UVRAG: variants seen among roughly 807,000 people sequenced by gnomAD.
UVRAG encodes the protein UV radiation resistance-associated gene protein.
A neutral mutation model predicts 78.0 loss-of-function variants in UVRAG; 19 were observed. The observed-to-expected ratio is 0.24, with a 90% CI of 0.17 to 0.36. The LOEUF is 0.36. UVRAG is among the 10% of genes least tolerant of loss of function. The pLI is 1.00. For missense variants in UVRAG, 740 were observed against 853.8 expected (o/e 0.87, Z 1.66); for synonymous variants, 323 against 324.6 (o/e 1.00, Z 0.05).
chr11:76,065,783 G>C lies in UVRAG; in HGVS notation c.1300G>C (p.Ala434Pro), dbSNP rs535120370. Reference protein sequence around the residue: ...YGVYLLNKNIAQLRYQHGLGT... With the variant: ...YGVYLLNKNIPQLRYQHGLGT... ...TGTCTATCTTCTGAACAAAAATATA[G>C]CACAGGTAAGTCTCTGTTCTTCACT... is the stretch of plus-strand genomic sequence containing the variant. The change falls in exon 13 of 15, where the codon GCA becomes CCA. Residue 434 changes from alanine (A) to proline (P), a missense_variant. Coordinates refer to ENST00000356136, the MANE Select transcript of UVRAG (RefSeq NM_003369.4). 1 of 1,613,552 alleles carries C rather than the reference G, an allele frequency of 6.2e-7. No homozygotes were observed. Among genetic ancestry groups the C allele is most frequent in the East Asian group, 2.2e-5 (1 of 44,858 alleles).
intron 12 of UVRAG, among the ~76,000 whole-genome samples, chr11:76,027,177 A>T (rs531257313): frequency 1.1e-4 from 16 of 152,256 alleles, no homozygotes; most frequent in African/African-American, 3.6e-4. Context: ...GCTAATTATT[A>T]AGTTTTGTAC....
intron 10 of UVRAG, 25 bp from the exon 11 acceptor site, chr11:76,008,782 T>C: frequency 7.4e-7 from 1 of 1,346,232 alleles, no homozygotes; most frequent in Non-Finnish European, 1.0e-6. Flanking sequence ...TATTTATTAA[T>C]TTTATTCTTT....
At chr11:76,005,079 C>T (rs1433487104) in intron 9 of UVRAG, among the ~76,000 whole-genome samples, 1 of 152,108 alleles carries the variant, frequency 6.6e-6, no homozygotes, top group African/African-American at 2.4e-5. Context: ...CATGGTGGCT[C>T]ACACCTGTAA....
At chr11:75,875,429 ATCTT>A (rs1229582379) in intron 3 of UVRAG, among the ~76,000 whole-genome samples, 3 of 140,224 alleles carry the variant, frequency 2.1e-5, no homozygotes, top group Non-Finnish European at 3.1e-5. Context: ...GGTTTTATTT[ATCTT>A]GCTTAGGACC....
chr11:76,111,851 GTAAAGA>G lies in UVRAG; in HGVS notation c.1306-4068_1306-4063del, dbSNP rs530774188. Among the ~76,000 whole-genome samples the G allele has an allele frequency of 7.4e-5, 11 of 149,492 alleles. No homozygotes were observed. The East Asian group carries it at 1.6e-3, about 22-fold the overall frequency. ...TTTTTAGAGTCTCACAGTCTCACCTGTAAAGATAAACTAACGGCCAAAGATTACGAG... is the reference window on the plus strand; with the variant it reads ...TTTTTAGAGTCTCACAGTCTCACCTGTAAACTAACGGCCAAAGATTACGAG... On this transcript the variant is annotated intron_variant, in intron 13 of 14. Transcript: ENST00000356136.
At position 75,880,928 on chromosome 11, in the gene UVRAG, CTTTTTT is replaced by C. The variant is rs773034018; in HGVS notation, c.432+910_432+915del. 3.3e-3 allele frequency among the ~76,000 whole-genome samples: 291 copies of C among 87,696 alleles called. 2 individuals are homozygous for C. In the East Asian group the frequency reaches 0.045, roughly 13 times the overall value. The allele number at this position is 87,696 out of a possible 152,430, so 57.5% of individuals were successfully genotyped here. Reference sequence around the variant, plus strand: ...CTTTCTTCCTTTCTTTTATTTACTTCTTTTTTTTTTTTTTTTTTTTTTTTTTTAAAT... The same window carrying C: ...CTTTCTTCCTTTCTTTTATTTACTTCTTTTTTTTTTTTTTTTTTTTTAAAT... On this transcript the variant is annotated intron_variant, in intron 4 of 14. Coordinates refer to ENST00000356136, the MANE Select transcript of UVRAG (RefSeq NM_003369.4).
At chr11:75,909,937 G>A (rs533290244) in intron 5 of UVRAG, among the ~76,000 whole-genome samples, 17 of 152,164 alleles carry the variant, frequency 1.1e-4, no homozygotes, top group Non-Finnish European at 2.2e-4. Context: ...TCCCTTCTCC[G>A]CTTTCTGAAG....
At chr11:76,026,470 G>T (rs1403039190) in intron 12 of UVRAG, among the ~76,000 whole-genome samples, 1 of 152,046 alleles carries the variant, frequency 6.6e-6, no homozygotes. Flanking sequence ...TGCTTTCATG[G>T]CATCCAATTA....
intron 5 of UVRAG, among the ~76,000 whole-genome samples, chr11:75,909,890 G>A (rs940693895): frequency 1.3e-5 from 2 of 151,884 alleles, no homozygotes; most frequent in Non-Finnish European, 2.9e-5. Flanking sequence ...GTCTAGTTTT[G>A]GCATCAGTAA....
intron 8 of UVRAG, among the ~76,000 whole-genome samples, chr11:76,000,092 A>G (rs756970240): frequency 1.1e-4 from 17 of 152,208 alleles, no homozygotes; most frequent in African/African-American, 4.8e-5. Context: ...ACTCAATCCA[A>G]TAGCATTTAA....
At chr11:76,091,162 C>G (rs1951689187) in intron 13 of UVRAG, among the ~76,000 whole-genome samples, 1 of 152,144 alleles carries the variant, frequency 6.6e-6, no homozygotes, top group Admixed American at 6.5e-5. Context: ...AAACAATTTT[C>G]CTTAAGATTT....
At chr11:75,997,105 T>C (rs1765465681) in intron 8 of UVRAG, among the ~76,000 whole-genome samples, 1 of 152,162 alleles carries the variant, frequency 6.6e-6, no homozygotes, top group African/African-American at 2.4e-5. Flanking sequence ...GCAAGAAATA[T>C]CTGTTAACCC....
At chr11:76,026,246 A>G (rs1271577663) in intron 12 of UVRAG, among the ~76,000 whole-genome samples, 1 of 152,136 alleles carries the variant, frequency 6.6e-6, no homozygotes, top group Non-Finnish European at 1.5e-5. Flanking sequence ...ATAAATGAAA[A>G]TTCCAGAACT....
intron 14 of UVRAG, among the ~76,000 whole-genome samples, chr11:76,119,289 A>G (rs945793663): frequency 6.6e-6 from 1 of 151,672 alleles, no homozygotes; most frequent in Non-Finnish European, 1.5e-5. Context: ...CCATGGCCCC[A>G]TCTTAGGCCC....
At chr11:75,911,870 T>C in intron 5 of UVRAG, 84 bp from the exon 6 acceptor site, 1 of 975,342 alleles carries the variant, frequency 1.0e-6, no homozygotes, top group East Asian at 2.5e-5. Context: ...ATATGTCATA[T>C]TTTTAAAAAG....
intron 12 of UVRAG, among the ~76,000 whole-genome samples, chr11:76,042,529 TG>T (rs1284821088): frequency 6.6e-6 from 1 of 152,178 alleles, no homozygotes; most frequent in Non-Finnish European, 1.5e-5. Flanking sequence ...CCAGTCTCAG[TG>T]CCAGGGAGTG....
intron 14 of UVRAG, among the ~76,000 whole-genome samples, chr11:76,117,412 A>G (rs1952201358): frequency 6.6e-6 from 1 of 152,224 alleles, no homozygotes; most frequent in East Asian, 1.9e-4. Flanking sequence ...TCGCTTATCC[A>G]TAGAGATCCA....
chr11:76,084,013 C>T (rs1299097559), intron 13 of UVRAG, among the ~76,000 whole-genome samples: 1 of 152,220 alleles, frequency 6.6e-6, no homozygotes, highest in Non-Finnish European at 1.5e-5. Context: ...TGCCTTAGGA[C>T]TGACCGCACT....
chr11:75,945,613 C>T (rs1296388718), intron 6 of UVRAG, among the ~76,000 whole-genome samples: 1 of 152,008 alleles, frequency 6.6e-6, no homozygotes, highest in Non-Finnish European at 1.5e-5. Flanking sequence ...CGTGGTCAGG[C>T]CTCCAAATGA....
Sources: allele counts gnomAD v4.1 joint callset (sites outside exome capture counted in the v4.1 genomes callset), GRCh38; gene constraint gnomAD v4.1.1; transcripts MANE v1.5; gene names NCBI Gene and HGNC (gene_info 2026-07-23, HGNC 2026-07-21).